The following ETS1 variants were observed in gnomAD, a reference collection of about 807,000 sequenced individuals.
ETS1 encodes the protein ETS proto-oncogene 1, transcription factor, also known as protein C-ets-1.
Under a neutral mutation model 58.6 loss-of-function variants are expected in ETS1, and 15 were observed. The ratio of observed to expected loss-of-function variants is 0.26; its 90% CI spans 0.17 to 0.39. ETS1 has a LOEUF of 0.39. Among genes scored for constraint, ETS1 ranks in the 10% least tolerant of loss-of-function variants. The pLI is 1.00. For synonymous variants in ETS1, 214 were observed against 218.2 expected, an observed-to-expected ratio of 0.98 and a Z score of 0.17; for missense variants, 417 against 610.5, an observed-to-expected ratio of 0.68 and a Z score of 3.34.
chr11:128,489,244 AG>A (rs1362116514), intron 5 of ETS1, 45 bp downstream of exon 5: 2 of 1,566,960 alleles, frequency 1.3e-6, no homozygotes, highest in East Asian at 4.5e-5. Context: ...CTACTCTCAC[AG>A]CAACCCCACA....
intron 8 of ETS1, among the ~76,000 whole-genome samples, chr11:128,469,988 T>C (rs375282016): frequency 2.0e-5 from 3 of 152,232 alleles, no homozygotes; most frequent in South Asian, 4.1e-4. Context: ...TCAAGGGCAG[T>C]GATTGGGAAT....
intron 1 of ETS1, among the ~76,000 whole-genome samples, chr11:128,582,224 T>C (rs891222322): frequency 1.3e-5 from 2 of 152,178 alleles, no homozygotes; most frequent in Non-Finnish European, 2.9e-5. Flanking sequence ...TTACATACTA[T>C]GGGTGAACGT....
intron 3 of ETS1, among the ~76,000 whole-genome samples, chr11:128,517,001 A>C (rs1863542988): frequency 6.6e-6 from 1 of 152,208 alleles, no homozygotes; most frequent in Non-Finnish European, 1.5e-5. Flanking sequence ...TGAGAGAGCC[A>C]AGGCCATATG....
At position 128,459,977 on chromosome 11, in the gene ETS1, C is replaced by T. The variant is rs1370419218; in HGVS notation, c.*2384G>A. 4 of 152,252 alleles carry T rather than the reference C, an allele frequency of 2.6e-5. No homozygotes were observed. The highest frequency in any genetic ancestry group is 4.4e-5 in the Non-Finnish European group (3 of 68,012). The allele number at this position is 152,252 out of a possible 1,614,324, so 9.4% of individuals were successfully genotyped here. On this transcript the variant is annotated 3_prime_UTR_variant, in exon 10 of 10. Coordinates refer to ENST00000392668, the MANE Select transcript of ETS1 (RefSeq NM_001143820.2). ...CAAACAGCAAGCAATAATTGATACC[C>T]GGCCCTGGTTCTACTCTTACCCATT...
intron 1 of ETS1, among the ~76,000 whole-genome samples, chr11:128,583,960 T>G (rs1479811295): frequency 1.3e-5 from 2 of 152,222 alleles, no homozygotes; most frequent in African/African-American, 4.8e-5. Flanking sequence ...TCCCAAAGCA[T>G]GTATAGGTTA....
At chr11:128,476,732 G>T (rs1481974829) in intron 8 of ETS1, among the ~76,000 whole-genome samples, 1 of 152,250 alleles carries the variant, frequency 6.6e-6, no homozygotes, top group African/African-American at 2.4e-5. Context: ...GGACTGTGTT[G>T]TAATTAGAAG....
intron 3 of ETS1, among the ~76,000 whole-genome samples, chr11:128,504,601 T>G (rs1167788669): frequency 1.3e-5 from 2 of 152,228 alleles, no homozygotes; most frequent in African/African-American, 2.4e-5. Context: ...TTCAAACCTT[T>G]TCTTTTACTG....
At chr11:128,477,264 T>C (rs1213681342) in intron 8 of ETS1, among the ~76,000 whole-genome samples, 1 of 152,166 alleles carries the variant, frequency 6.6e-6, no homozygotes, top group Non-Finnish European at 1.5e-5. Flanking sequence ...TCTGGAGCAA[T>C]CAAATTTTAA....
chr11:128,518,505 T>C (rs958436187), intron 3 of ETS1, among the ~76,000 whole-genome samples: 3 of 152,250 alleles, frequency 2.0e-5, no homozygotes, highest in African/African-American at 7.2e-5. Flanking sequence ...ATGATTGTAC[T>C]CATTTTATAG....
chr11:128,507,259 C>CG (rs1293909851), intron 3 of ETS1, among the ~76,000 whole-genome samples: 1 of 151,950 alleles, frequency 6.6e-6, no homozygotes, highest in East Asian at 1.9e-4. Flanking sequence ...AAGGCAGGGA[C>CG]GGAGGGAGGG....
chr11:128,486,087 T>C lies in ETS1; in HGVS notation c.595A>G (p.Thr199Ala). The C allele has an allele frequency of 6.2e-7, 1 of 1,609,270 alleles. No homozygotes were observed. Among genetic ancestry groups the C allele is most frequent in the East Asian group, 2.2e-5 (1 of 44,836 alleles). Residue 199 changes from threonine (T) to alanine (A), a missense_variant, in exon 6 of 10, where the codon ACC becomes GCC. Transcript: ENST00000392668. ...VNPAYPESRY[T>A]SDYFISYGIE... The stretch of plus-strand genomic sequence containing the variant: ...AACTTACTAATGAAGTAATCCGAGG[T>C]ATAGCGGGATTCTGGATAGGCTGGG...
intron 3 of ETS1, chr11:128,497,593 A>G (rs530043165): frequency 9.1e-6 from 9 of 985,058 alleles, no homozygotes; most frequent in South Asian, 9.4e-5. Context: ...CATGGTTCCA[A>G]TGAGCCCTTG....
intron 3 of ETS1, among the ~76,000 whole-genome samples, chr11:128,492,352 AAAG>A (rs1237297650): frequency 2.6e-5 from 4 of 152,224 alleles, no homozygotes; most frequent in Non-Finnish European, 4.4e-5. Context: ...ACACTGCATA[AAAG>A]AAGGACAGGT....
At chr11:128,580,859 T>G (rs1434336349) in intron 1 of ETS1, among the ~76,000 whole-genome samples, 1 of 152,246 alleles carries the variant, frequency 6.6e-6, no homozygotes, top group Non-Finnish European at 1.5e-5. Flanking sequence ...ATCCATCTCC[T>G]ATTTCTCTAA....
chr11:128,529,805 C>G (rs1207820558), intron 3 of ETS1, among the ~76,000 whole-genome samples: 1 of 152,178 alleles, frequency 6.6e-6, no homozygotes, highest in Non-Finnish European at 1.5e-5. Context: ...TTACCTTAGG[C>G]ATCCTTCAAT....
At chr11:128,585,015 A>G (rs12798331) in intron 1 of ETS1, among the ~76,000 whole-genome samples, 2,857 of 21,770 alleles carry the variant, frequency 0.13, 798 homozygotes, top group Non-Finnish European at 0.16. Flanking sequence ...AAGAAAGGAA[A>G]GAAAGAAGAA....
At chr11:128,586,291 A>G (rs941852448) in intron 1 of ETS1, among the ~76,000 whole-genome samples, 2 of 152,218 alleles carry the variant, frequency 1.3e-5, no homozygotes, top group African/African-American at 4.8e-5. Flanking sequence ...TTCATCTTCA[A>G]AGCACTTTGC....
chr11:128,518,090 C>T (rs1007358242), intron 3 of ETS1, among the ~76,000 whole-genome samples: 12 of 152,218 alleles, frequency 7.9e-5, no homozygotes, highest in Non-Finnish European at 1.3e-4. Flanking sequence ...GTAACAATGA[C>T]AATCTCCATC....
intron 2 of ETS1, among the ~76,000 whole-genome samples, chr11:128,570,040 G>T (rs1450460594): frequency 6.6e-6 from 1 of 152,080 alleles, no homozygotes; most frequent in Admixed American, 6.5e-5. Flanking sequence ...ATTGCAGGGA[G>T]GTGTCTTTAG....
Sources: gnomAD v4.1 joint callset for allele counts (sites outside exome capture counted in the v4.1 genomes callset) on GRCh38, gnomAD v4.1.1 for gene constraint, MANE v1.5 for transcripts, NCBI Gene and HGNC (gene_info 2026-07-23, HGNC 2026-07-21) for gene names.